Variants in ZNF385D observed in about 807,000 individuals in gnomAD.
The protein encoded by ZNF385D is zinc finger protein 385D, also known as zinc finger protein 659.
Under a neutral mutation model 35.8 loss-of-function variants are expected in ZNF385D, and 15 were observed. The ratio of observed to expected loss-of-function variants is 0.42; its 90% confidence interval spans 0.28 to 0.64. ZNF385D has a LOEUF of 0.64. Among genes scored for constraint, ZNF385D ranks in the 30% least tolerant of loss-of-function variants. The probability of loss-of-function intolerance (pLI) is 0.23; values close to 1 mark genes in which losing one functional copy is unlikely to be tolerated. For missense variants in ZNF385D, 474 were observed against 494.6 expected, an observed-to-expected ratio of 0.96 and a Z score of 0.39; for synonymous variants, 212 against 186.8, an observed-to-expected ratio of 1.13 and a Z score of -1.10.
intron 2 of ZNF385D, among the ~76,000 whole-genome samples, chr3:22,363,369 G>A (rs1696505500): frequency 6.6e-6 from 1 of 152,096 alleles, no homozygotes; most frequent in African/African-American, 2.4e-5. Flanking sequence ...GGGGAAAAAT[G>A]GATAGGGCAT....
chr3:21,836,407 A>T (rs2125776192), intron 3 of ZNF385D, among the ~76,000 whole-genome samples: 1 of 152,250 alleles, frequency 6.6e-6, no homozygotes, highest in African/African-American at 2.4e-5. Flanking sequence ...TTCAACAAAC[A>T]AGATATGAAG....
intron 2 of ZNF385D, among the ~76,000 whole-genome samples, chr3:22,279,832 T>A (rs113932496): frequency 0.11 from 16,173 of 151,914 alleles, 1,163 homozygotes; most frequent in Non-Finnish European, 0.16. Flanking sequence ...AAATGGCAGA[T>A]CTACTTTTAG....
At chr3:21,697,240 TG>T (rs745487736) in intron 1 of ZNF385D, among the ~76,000 whole-genome samples, 2 of 152,170 alleles carry the variant, frequency 1.3e-5, no homozygotes, top group Non-Finnish European at 2.9e-5. Context: ...TTGGGTGAGA[TG>T]CTATTCCACA....
intron 3 of ZNF385D, among the ~76,000 whole-genome samples, chr3:21,822,883 T>A (rs1422782089): frequency 6.6e-6 from 1 of 152,070 alleles, no homozygotes; most frequent in Admixed American, 6.5e-5. Context: ...CAAGTAATAC[T>A]GCATAAAATT....
chr3:21,595,927 G>A (rs1014301734), intron 2 of ZNF385D, among the ~76,000 whole-genome samples: 1 of 152,262 alleles, frequency 6.6e-6, no homozygotes, highest in East Asian at 1.9e-4. Flanking sequence ...TCATTTCTAT[G>A]TGGTTTTCTA....
intron 4 of ZNF385D, among the ~76,000 whole-genome samples, chr3:21,473,423 CT>C (rs1268164888): frequency 6.6e-6 from 1 of 152,024 alleles, no homozygotes; most frequent in Non-Finnish European, 1.5e-5. Context: ...TATTTATCTC[CT>C]TTTCTGGCAA....
chr3:21,500,118 T>C (rs1375345359), intron 4 of ZNF385D, among the ~76,000 whole-genome samples: 4 of 152,146 alleles, frequency 2.6e-5, no homozygotes, highest in African/African-American at 4.8e-5. Context: ...CTCAGCCCAA[T>C]GGTGGCACAT....
chr3:22,078,340 A>C (rs1006055863), intron 3 of ZNF385D, among the ~76,000 whole-genome samples: 1 of 152,062 alleles, frequency 6.6e-6, no homozygotes, highest in Non-Finnish European at 1.5e-5. Flanking sequence ...AAGTATGCTC[A>C]TCATTTGGTG....
chr3:22,295,150 A>G (rs1169686455), intron 2 of ZNF385D, among the ~76,000 whole-genome samples: 1 of 152,282 alleles, frequency 6.6e-6, no homozygotes, highest in East Asian at 1.9e-4. Flanking sequence ...TATACCATAG[A>G]TAACAATAAA....
intron 3 of ZNF385D, among the ~76,000 whole-genome samples, chr3:22,020,854 G>C (rs1697181873): frequency 6.6e-6 from 1 of 151,966 alleles, no homozygotes; most frequent in South Asian, 2.1e-4. Context: ...AGTCACAACA[G>C]CAAAGATATG....
chr3:21,577,257 G>A (rs1485633263), intron 2 of ZNF385D, among the ~76,000 whole-genome samples: 1 of 152,066 alleles, frequency 6.6e-6, no homozygotes, highest in Non-Finnish European at 1.5e-5. Flanking sequence ...ATGACATGTG[G>A]TATTTGTCTT....
intron 3 of ZNF385D, among the ~76,000 whole-genome samples, chr3:21,975,370 T>G (rs773805007): frequency 6.6e-6 from 1 of 151,962 alleles, no homozygotes; most frequent in Admixed American, 6.6e-5. Flanking sequence ...ATGCAACTCA[T>G]GGAGAGAGAG....
At chr3:22,330,305 A>G (rs745511769) in intron 2 of ZNF385D, among the ~76,000 whole-genome samples, 1 of 152,174 alleles carries the variant, frequency 6.6e-6, no homozygotes. Context: ...TATAAAATCA[A>G]CTTTATCCAG....
At chr3:21,978,155 G>A (rs1703755826) in intron 3 of ZNF385D, 1 of 152,164 alleles carries the variant, frequency 6.6e-6, no homozygotes, top group Non-Finnish European at 1.5e-5. Flanking sequence ...CCAGAGGTAG[G>A]ATGTCTTTGA....
At chr3:21,927,187 T>C (rs1359123930) in intron 3 of ZNF385D, among the ~76,000 whole-genome samples, 2 of 152,118 alleles carry the variant, frequency 1.3e-5, no homozygotes, top group South Asian at 2.1e-4. Flanking sequence ...TAGCCATGGA[T>C]AGAAGCTCCC....
At chr3:22,253,542 T>G (rs1279551566) in intron 2 of ZNF385D, among the ~76,000 whole-genome samples, 1 of 151,932 alleles carries the variant, frequency 6.6e-6, no homozygotes, top group African/African-American at 2.4e-5. Context: ...AAATAAAAAT[T>G]TGCCTAATGG....
In ZNF385D at chr3:22,214,090, G is replaced by C. The variant is rs370405296; in HGVS notation, c.107-45055C>G. 5.9e-5 allele frequency among the ~76,000 whole-genome samples: 9 copies of C among 152,170 alleles called. No individual in the cohort carries two copies. In the East Asian group the frequency reaches 1.4e-3, roughly 23 times the overall value. On this transcript the variant is annotated intron_variant, in intron 2 of 5. Transcript: ENST00000494108. Reference sequence around the variant, plus strand: ...GGGACTTCGAACGGAGGGACTGGCTGAAGCCATGGCAGAAGAACATGGATT... The same window carrying C: ...GGGACTTCGAACGGAGGGACTGGCTCAAGCCATGGCAGAAGAACATGGATT...
chr3:21,684,957 A>G (rs556012066), intron 1 of ZNF385D, among the ~76,000 whole-genome samples: 1 of 152,342 alleles, frequency 6.6e-6, no homozygotes, highest in African/African-American at 2.4e-5. Flanking sequence ...AATTTGGAAA[A>G]TTCTAATTTT....
At position 21,641,296 on chromosome 3, in the gene ZNF385D, G is replaced by A. The variant is rs561955447; in HGVS notation, c.165+23590C>T. ...GTACCTAGAGCAAATTTTAATATGA[G>A]GAATGAAGTACAGTACCAGACAAGT... On this transcript the variant is annotated intron_variant, in intron 2 of 7. Coordinates refer to ENST00000281523, the MANE Select transcript of ZNF385D (RefSeq NM_024697.3). 3.3e-5 allele frequency among the ~76,000 whole-genome samples: 5 copies of A among 151,592 alleles called. No homozygotes were observed. The East Asian group carries it at 9.7e-4, about 29-fold the overall frequency.
Sources: allele counts gnomAD v4.1 joint callset (sites outside exome capture counted in the v4.1 genomes callset), GRCh38; gene constraint gnomAD v4.1.1; transcripts MANE v1.5; gene names NCBI Gene and HGNC (gene_info 2026-07-23, HGNC 2026-07-21).